HDAC8: variants seen among roughly 807,000 people sequenced by gnomAD.
HDAC8 encodes histone deacetylase 8.
A neutral mutation model predicts 32.2 loss-of-function variants in HDAC8; 1 was observed. The observed-to-expected ratio is 0.03, with a 90% confidence interval of 0.01 to 0.15. The LOEUF (loss-of-function observed/expected upper bound fraction) is 0.15. Ranked by LOEUF, HDAC8 falls within the 10% of genes least tolerant of loss-of-function variation. HDAC8 has a pLI of 1.00. For missense variants in HDAC8, 117 were observed against 300.0 expected, an observed-to-expected ratio of 0.39 and a Z score of 4.51; for synonymous variants, 108 against 113.9, an observed-to-expected ratio of 0.95 and a Z score of 0.33.
intron 7 of HDAC8, among the ~76,000 whole-genome samples, chrX:72,478,096 AG>A (rs2048389542): frequency 8.9e-6 from 1 of 112,777 alleles, no homozygotes. Flanking sequence ...TGGCACAAAA[AG>A]GGCTGGCTAA....
At chrX:72,334,374 C>G (rs1286308959) in intron 10 of HDAC8, among the ~76,000 whole-genome samples, 4 of 111,712 alleles carry the variant, frequency 3.6e-5, no homozygotes, top group Non-Finnish European at 7.5e-5. Context: ...TCCCTTTTTT[C>G]TTAACTCTGC....
intron 7 of HDAC8, among the ~76,000 whole-genome samples, chrX:72,487,355 GA>G (rs1245898691): frequency 8.9e-6 from 1 of 111,864 alleles, no homozygotes; most frequent in Non-Finnish European, 1.9e-5. Flanking sequence ...GGTAGAAACA[GA>G]TATTTTTTCT....
rs141609442 is a variant in HDAC8 at position 72,502,125 on chromosome X, A to C, written c.438-6857T>G. Reference sequence around the variant, plus strand: ...TATTAAAAATTCAAAAAAATAATACATGCTGGCGAGGTTGCAGAGAAAAGA... The same window carrying C: ...TATTAAAAATTCAAAAAAATAATACCTGCTGGCGAGGTTGCAGAGAAAAGA... On this transcript the variant is annotated intron_variant, in intron 4 of 10. Coordinates refer to ENST00000373573, the MANE Select transcript of HDAC8 (RefSeq NM_018486.3). Among the ~76,000 whole-genome samples the C allele has an allele frequency of 8.9e-3, 990 of 111,772 alleles. 17 individuals carry two copies. Among genetic ancestry groups the C allele is most frequent in the African/African-American group, 0.031 (939 of 30,738 alleles).
intron 5 of HDAC8, 146 bp from the exon 6 acceptor site, chrX:72,491,152 A>G (rs901345936): frequency 3.6e-5 from 15 of 417,631 alleles, no homozygotes; most frequent in Non-Finnish European, 5.9e-5. Context: ...TAAAAGTAAT[A>G]CGAACCTCTG....
intron 7 of HDAC8, among the ~76,000 whole-genome samples, chrX:72,476,437 T>G (rs782111279): frequency 4.6e-4 from 51 of 111,308 alleles, no homozygotes; most frequent in African/African-American, 1.6e-3. Flanking sequence ...ATCTGGGGTA[T>G]GTCATTTAAC....
At chrX:72,549,311 C>G (rs185183047) in intron 4 of HDAC8, among the ~76,000 whole-genome samples, 1 of 109,992 alleles carries the variant, frequency 9.1e-6, no homozygotes, top group East Asian at 2.9e-4. Context: ...GTTCCCCCCC[C>G]GCCTTATTAT....
At chrX:72,462,363 T>C in intron 8 of HDAC8, 1 of 256,818 alleles carries the variant, frequency 3.9e-6, no homozygotes, top group Admixed American at 5.3e-5. Context: ...AATATGTACC[T>C]GAGGAATCCA....
intron 10 of HDAC8, among the ~76,000 whole-genome samples, chrX:72,342,070 G>A (rs986646471): frequency 8.9e-6 from 1 of 112,467 alleles, no homozygotes; most frequent in East Asian, 2.8e-4. Context: ...CAATGGGCAA[G>A]CAGGACTAAT....
chrX:72,559,169 C>T (rs1431889026), intron 4 of HDAC8, among the ~76,000 whole-genome samples: 3 of 102,340 alleles, frequency 2.9e-5, no homozygotes, highest in Non-Finnish European at 6.0e-5. Context: ...TGCAACCTCC[C>T]TGCCTGATTC....
At chrX:72,437,923 G>C (rs2046999960) in intron 9 of HDAC8, among the ~76,000 whole-genome samples, 1 of 112,314 alleles carries the variant, frequency 8.9e-6, no homozygotes, top group Non-Finnish European at 1.9e-5. Context: ...AGCTTCAGCA[G>C]ACTTAAACGT....
At chrX:72,388,006 GGAAGA>G (rs1463632899) in intron 9 of HDAC8, among the ~76,000 whole-genome samples, 2 of 110,593 alleles carry the variant, frequency 1.8e-5, no homozygotes, top group African/African-American at 3.3e-5. Flanking sequence ...GGAATTTGAA[GGAAGA>G]GTAGGACTTC....
intron 9 of HDAC8, among the ~76,000 whole-genome samples, chrX:72,352,293 T>TCCTTCACA (rs1555949186): frequency 9.0e-6 from 1 of 111,490 alleles, no homozygotes; most frequent in African/African-American, 3.3e-5. Context: ...AAATGTCACC[T>TCCTTCACA]CCTTCACAAA....
At chrX:72,333,701 A>C (rs1192336016) in intron 10 of HDAC8, among the ~76,000 whole-genome samples, 1 of 109,509 alleles carries the variant, frequency 9.1e-6, no homozygotes, top group Non-Finnish European at 1.9e-5. Flanking sequence ...AAAAAAAAAA[A>C]AAAAAAAAAG....
chrX:72,503,737 C>T (rs2049299749), intron 4 of HDAC8, among the ~76,000 whole-genome samples: 1 of 111,927 alleles, frequency 8.9e-6, no homozygotes. Context: ...GTAACCAAGG[C>T]CTTACCTGGA....
intron 9 of HDAC8, among the ~76,000 whole-genome samples, chrX:72,356,005 T>C (rs2044344094): frequency 8.9e-6 from 1 of 112,405 alleles, no homozygotes; most frequent in Non-Finnish European, 1.9e-5. Flanking sequence ...AAGCTTATTA[T>C]GTGTCAGGCA....
In HDAC8 at chrX:72,532,473, C is replaced by CTT. The variant is rs782603262; in HGVS notation, c.437+35414_437+35415dup. On this transcript the variant is annotated intron_variant, in intron 4 of 10. Transcript: ENST00000373573. ...AATCCTCTTGAATACTTGCTAGTGTCTTTTTTTTTTTTTTTTTTTAAATTA... is the reference window on the plus strand; with the variant it reads ...AATCCTCTTGAATACTTGCTAGTGTCTTTTTTTTTTTTTTTTTTTTTAAATTA... 3.1e-3 allele frequency among the ~76,000 whole-genome samples: 270 copies of CTT among 85,787 alleles called. 2 individuals are homozygous for CTT. The highest frequency in any genetic ancestry group is 0.011 in the African/African-American group (250 of 22,941). The allele number at this position is 85,787 out of a possible 115,157, so 74.5% of individuals were successfully genotyped here.
chrX:72,386,247 C>T (rs2045422657), intron 9 of HDAC8, among the ~76,000 whole-genome samples: 1 of 111,303 alleles, frequency 9.0e-6, no homozygotes, highest in South Asian at 3.8e-4. Context: ...AAGCAGATTG[C>T]AAAACAATAT....
At chrX:72,531,221 C>T (rs1293975606) in intron 4 of HDAC8, among the ~76,000 whole-genome samples, 1 of 111,825 alleles carries the variant, frequency 8.9e-6, no homozygotes, top group Non-Finnish European at 1.9e-5. Flanking sequence ...GTGAAAAGCA[C>T]CCCCAATAGA....
intron 9 of HDAC8, among the ~76,000 whole-genome samples, chrX:72,390,101 C>A (rs1468088838): frequency 9.0e-6 from 1 of 111,256 alleles, no homozygotes; most frequent in African/African-American, 3.3e-5. Flanking sequence ...TTGATACAGG[C>A]ATACATGTGT....
Sources: gnomAD v4.1 joint callset for allele counts (sites outside exome capture counted in the v4.1 genomes callset) on GRCh38, gnomAD v4.1.1 for gene constraint, MANE v1.5 for transcripts, NCBI Gene and HGNC (gene_info 2026-07-23, HGNC 2026-07-21) for gene names.